The following DLGAP1 variants were observed in gnomAD, a reference collection of about 807,000 sequenced individuals.
DLGAP1 encodes the protein disks large-associated protein 1.
A neutral mutation model predicts 90.8 loss-of-function variants in DLGAP1; 11 were observed. The ratio of observed to expected loss-of-function variants is 0.12; its 90% CI spans 0.08 to 0.20. The LOEUF is 0.20. Ranked by LOEUF, DLGAP1 falls within the 10% of genes least tolerant of loss-of-function variation. The pLI, the probability that DLGAP1 is intolerant of heterozygous loss-of-function variation, is 1.00. For synonymous variants in DLGAP1, 558 were observed against 540.7 expected (o/e 1.03, Z -0.44); for missense variants, 1,050 against 1,333.8 (o/e 0.79, Z 3.31).
intron 1 of DLGAP1, among the ~76,000 whole-genome samples, chr18:4,422,630 TAG>T (rs1321237316): frequency 6.6e-6 from 1 of 151,954 alleles, no homozygotes; most frequent in Non-Finnish European, 1.5e-5. Flanking sequence ...AAAAACTATA[TAG>T]AAATATATAA....
In DLGAP1 at chr18:3,567,473, C is replaced by T. The variant is rs760944676; in HGVS notation, c.2057+17G>A. ...CAAAACATCAAGACAAAAGAGGATG[C>T]GTGCATGTGGACTTACCACTTCTCT... is the stretch of plus-strand genomic sequence containing the variant. On this transcript the variant is annotated intron_variant, in intron 9 of 12. Coordinates refer to ENST00000315677, the MANE Select transcript of DLGAP1 (RefSeq NM_004746.4). The T allele has an allele frequency of 1.6e-5, 25 of 1,595,712 alleles. No individual in the cohort carries two copies. Among genetic ancestry groups the T allele is most frequent in the Middle Eastern group, 3.3e-4 (2 of 6,048 alleles).
Position 3,936,512 on chromosome 18 carries a change from C to G in DLGAP1, c.-72-56372G>C, listed in dbSNP as rs370489834. On this transcript the variant is annotated intron_variant, in intron 3 of 12. Coordinates refer to ENST00000315677, the MANE Select transcript of DLGAP1 (RefSeq NM_004746.4). Reference sequence around the variant, plus strand: ...TGTTCCAGAATAGGTGCTTCTTCCCCCAAGTGCCTCCATAATTCCATATGC... The same window carrying G: ...TGTTCCAGAATAGGTGCTTCTTCCCGCAAGTGCCTCCATAATTCCATATGC... 1.6e-4 allele frequency among the ~76,000 whole-genome samples: 24 copies of G among 152,304 alleles called. No individual in the cohort carries two copies. The East Asian group carries it at 2.1e-3, about 13-fold the overall frequency.
At chr18:4,349,687 G>A (rs1265844322) in intron 1 of DLGAP1, among the ~76,000 whole-genome samples, 2 of 152,078 alleles carry the variant, frequency 1.3e-5, no homozygotes, top group Non-Finnish European at 2.9e-5. Context: ...ATAGGGCATA[G>A]TGTGTCATTC....
chr18:4,384,622 A>T (rs1462955), intron 1 of DLGAP1, among the ~76,000 whole-genome samples: 140,976 of 152,142 alleles, frequency 0.93, 66,291 homozygotes, highest in East Asian at 1. Context: ...ATTTCCTCGT[A>T]CTAATATAGC....
intron 1 of DLGAP1, among the ~76,000 whole-genome samples, chr18:4,396,389 T>C (rs1598351443): frequency 6.6e-6 from 1 of 152,170 alleles, no homozygotes; most frequent in East Asian, 1.9e-4. Flanking sequence ...AGAAGTGTCC[T>C]TCATGATCAT....
intron 1 of DLGAP1, among the ~76,000 whole-genome samples, chr18:4,330,216 T>TGCACTAAACCTGAGAATGTAAAAAAAG (rs2080916694): frequency 8.0e-5 from 12 of 149,674 alleles, no homozygotes; most frequent in African/African-American, 2.5e-4. Context: ...GATACTCATA[T>TGCACTAAACCTGAGAATGTAAAAAAAG]AATTTTCTTG....
At chr18:4,252,923 T>G (rs1212620582) in intron 1 of DLGAP1, among the ~76,000 whole-genome samples, 1 of 152,226 alleles carries the variant, frequency 6.6e-6, no homozygotes, top group Non-Finnish European at 1.5e-5. Context: ...TGAAGCTGAA[T>G]GCTTTCAAGG....
At chr18:3,575,509 A>T (rs2055069018) in intron 8 of DLGAP1, among the ~76,000 whole-genome samples, 1 of 152,208 alleles carries the variant, frequency 6.6e-6, no homozygotes, top group Admixed American at 6.5e-5. Flanking sequence ...ATTACTCTTG[A>T]GAGACTAAAA....
At chr18:3,880,438 T>G (rs1292741970) in intron 3 of DLGAP1, among the ~76,000 whole-genome samples, 1 of 152,032 alleles carries the variant, frequency 6.6e-6, no homozygotes, top group Non-Finnish European at 1.5e-5. Flanking sequence ...TGGCCTCCCT[T>G]AAGTGCTGGG....
chr18:4,261,340 C>CA (rs1568477587), intron 1 of DLGAP1, among the ~76,000 whole-genome samples: 102 of 152,278 alleles, frequency 6.7e-4, no homozygotes, highest in African/African-American at 2.1e-3. Context: ...TGGCTTCCCC[C>CA]ATCCTCTAGC....
At chr18:3,748,753 T>C (rs552693893) in intron 5 of DLGAP1, among the ~76,000 whole-genome samples, 1 of 152,320 alleles carries the variant, frequency 6.6e-6, no homozygotes, top group South Asian at 2.1e-4. Flanking sequence ...TGGACAATGG[T>C]ACTTAGTAGG....
At chr18:3,611,656 G>A (rs945560859) in intron 7 of DLGAP1, among the ~76,000 whole-genome samples, 36 of 152,210 alleles carry the variant, frequency 2.4e-4, no homozygotes, top group African/African-American at 7.2e-4. Context: ...AACTTACCAC[G>A]CGTTTCTCAG....
At chr18:3,757,305 G>A (rs1473532798) in intron 5 of DLGAP1, among the ~76,000 whole-genome samples, 3 of 152,178 alleles carry the variant, frequency 2.0e-5, no homozygotes, top group Admixed American at 6.5e-5. Flanking sequence ...CTACTTAGGA[G>A]GCTTGAGTCA....
At chr18:4,057,868 G>A (rs1352414594) in intron 2 of DLGAP1, among the ~76,000 whole-genome samples, 2 of 152,082 alleles carry the variant, frequency 1.3e-5, no homozygotes, top group African/African-American at 4.8e-5. Flanking sequence ...CCCTGTACAT[G>A]ATTTTCTCCT....
chr18:4,098,279 A>C (rs1489452549), intron 2 of DLGAP1, among the ~76,000 whole-genome samples: 3 of 152,274 alleles, frequency 2.0e-5, no homozygotes, highest in African/African-American at 7.2e-5. Flanking sequence ...ATTGTCTATT[A>C]AAATCTACAG....
intron 3 of DLGAP1, among the ~76,000 whole-genome samples, chr18:3,936,407 T>C (rs2072641649): frequency 6.6e-6 from 1 of 152,228 alleles, no homozygotes; most frequent in Non-Finnish European, 1.5e-5. Context: ...GCTGAGCCTC[T>C]TCCTTTCCTG....
chr18:3,741,022 A>C (rs1421884377), intron 6 of DLGAP1, among the ~76,000 whole-genome samples: 3 of 99,412 alleles, frequency 3.0e-5, no homozygotes, highest in African/African-American at 1.3e-4. Context: ...CACCATCACC[A>C]CCACCACCAC....
chr18:3,951,600 G>C (rs2072986173), intron 3 of DLGAP1, among the ~76,000 whole-genome samples: 1 of 152,144 alleles, frequency 6.6e-6, no homozygotes, highest in East Asian at 1.9e-4. Flanking sequence ...CTATTATATG[G>C]TTTGGCTGTG....
chr18:3,757,653 G>A (rs560805225), intron 5 of DLGAP1, among the ~76,000 whole-genome samples: 6 of 152,272 alleles, frequency 3.9e-5, no homozygotes, highest in South Asian at 2.1e-4. Context: ...CCACAAGATC[G>A]TCTCACATAG....
Sources: allele counts gnomAD v4.1 joint callset (sites outside exome capture counted in the v4.1 genomes callset), GRCh38; gene constraint gnomAD v4.1.1; transcripts MANE v1.5; gene names NCBI Gene and HGNC (gene_info 2026-07-23, HGNC 2026-07-21).